The following ABHD3 variants were observed in gnomAD, a reference collection of about 807,000 sequenced individuals.
The protein encoded by ABHD3 is phospholipase ABHD3.
ABHD3 carries 46 observed loss-of-function variants against 48.8 expected under a neutral mutation model. That is an observed-to-expected ratio of 0.94 (90% confidence interval 0.74 to 1.20). ABHD3 has a LOEUF of 1.20. Ranked by LOEUF, ABHD3 falls within the 50% of genes most tolerant of loss-of-function variation. ABHD3 has a pLI of 0.00. For synonymous variants in ABHD3, 192 were observed against 183.7 expected (o/e 1.04, Z -0.36); for missense variants, 490 against 497.8 (o/e 0.98, Z 0.15).
rs776733602 is a variant in ABHD3, at chr18:21,703,719, C to T, written c.191G>A (p.Ser64Asn). The change falls in exon 2 of 9, where the codon AGT becomes AAT. Residue 64 changes from serine to asparagine, a missense_variant. Ser to Asn is a conservative substitution (Grantham distance 46, BLOSUM62 1). Transcript: ENST00000289119. ...KKPQLVTGGE[S>N]FSRFLQDHCP... The stretch of plus-strand genomic sequence containing the variant: ...GTGGTCTTGAAGGAAGCGGCTGAAA[C>T]TCTCACCCCCGGTCACTAACTGGGG... 3.1e-6 allele frequency: 5 copies of T among 1,614,028 alleles called. No homozygotes were observed. In the Admixed American group the frequency reaches 8.3e-5, roughly 27 times the overall value.
At chr18:21,653,663 G>A (rs951423538) in intron 8 of ABHD3, among the ~76,000 whole-genome samples, 1 of 151,010 alleles carries the variant, frequency 6.6e-6, no homozygotes. Flanking sequence ...ACTTTGGGGG[G>A]ATCTCTTGAG....
chr18:21,656,748 G>GT (rs970573906), intron 8 of ABHD3, 113 bp downstream of exon 8: 15 of 1,090,360 alleles, frequency 1.4e-5, no homozygotes, highest in East Asian at 1.3e-4. Context: ...TGAGTATCTA[G>GT]TTTTTTTATC....
chr18:21,674,852 C>T (rs539738036), intron 4 of ABHD3, among the ~76,000 whole-genome samples: 1 of 152,200 alleles, frequency 6.6e-6, no homozygotes, highest in East Asian at 1.9e-4. Flanking sequence ...ACCCCTCCTC[C>T]CTCTGGCTAT....
At position 21,703,665 on chromosome 18, in the gene ABHD3, G is replaced by A. The variant is rs1287907254; in HGVS notation, c.245C>T (p.Pro82Leu). The change falls in exon 2 of 9, where the codon CCG (proline) becomes CTG (leucine). Residue 82 changes from proline to leucine, a missense_variant. Transcript: ENST00000289119. ...TCGACCCTCCCAGCACCAGACCGTC[G>A]GGTAGTACGTTTCTGTAACCACGGG... The part of the protein sequence containing the change: ...HCPVVTETYY[P>L]TVWCWEGRGQ... 5 of 1,613,992 alleles carry A rather than the reference G, an allele frequency of 3.1e-6. No individual in the cohort carries two copies. The highest frequency in any genetic ancestry group is 1.3e-5 in the African/African-American group (1 of 74,914).
intron 4 of ABHD3, among the ~76,000 whole-genome samples, chr18:21,666,842 G>A (rs2039643279): frequency 6.6e-6 from 1 of 151,978 alleles, no homozygotes; most frequent in African/African-American, 2.4e-5. Flanking sequence ...GGGAGGAGGG[G>A]GCAATCCTCT....
At chr18:21,664,086 T>C (rs1393331840) in intron 5 of ABHD3, 32 bp downstream of exon 5, 9 of 1,590,150 alleles carry the variant, frequency 5.7e-6, no homozygotes, top group Non-Finnish European at 7.7e-6. Context: ...AGCTTCCCTC[T>C]CAGAGATTAT....
chr18:21,661,585 C>T (rs1414278579), intron 5 of ABHD3, among the ~76,000 whole-genome samples: 9 of 151,992 alleles, frequency 5.9e-5, no homozygotes, highest in Middle Eastern at 3.4e-3. Flanking sequence ...GAGCTGAGAT[C>T]GCACCACTGC....
rs1395415534 is a variant in ABHD3 at position 21,659,305 on chromosome 18, T to C, written c.707A>G (p.Lys236Arg). 1.2e-6 allele frequency: 2 copies of C among 1,613,086 alleles called. No homozygotes were observed. ...LLNYLGKIGS[K>R]TPLMAAATFS... ...AGTTGCAGCTGCCATCAAAGGCGTTTTGGACCCAATTTTGCCCAAGTAATT... is the reference window on the plus strand; with the variant it reads ...AGTTGCAGCTGCCATCAAAGGCGTTCTGGACCCAATTTTGCCCAAGTAATT... Residue 236 changes from lysine to arginine, a missense_variant, in exon 6 of 9, where the codon AAA (lysine) becomes AGA (arginine). Coordinates refer to ENST00000289119, the MANE Select transcript of ABHD3 (RefSeq NM_138340.5).
chr18:21,678,381 C>G (rs1022136923), intron 4 of ABHD3, among the ~76,000 whole-genome samples: 1 of 152,042 alleles, frequency 6.6e-6, no homozygotes, highest in African/African-American at 2.4e-5. Flanking sequence ...GCTTTTCTTA[C>G]TGGGTTAGGA....
chr18:21,676,680 C>A (rs576359359), intron 4 of ABHD3, among the ~76,000 whole-genome samples: 1 of 152,236 alleles, frequency 6.6e-6, no homozygotes, highest in African/African-American at 2.4e-5. Context: ...CATAAGCCAC[C>A]GCATCCGGCC....
At chr18:21,680,101 C>A (rs2039973417) in intron 4 of ABHD3, among the ~76,000 whole-genome samples, 1 of 152,102 alleles carries the variant, frequency 6.6e-6, no homozygotes, top group Admixed American at 6.6e-5. Flanking sequence ...GCAACCTCCA[C>A]CTCCTGGGTT....
At position 21,689,549 on chromosome 18, in the gene ABHD3, C is replaced by CAA. The variant is rs36011228; in HGVS notation, c.510-5586_510-5585dup. ...GGGCAACAAGGGTGAAATCTGGTCT[C>CAA]AAAAAAAAAAAAAAAAAAAAAAAAA... On this transcript the variant is annotated intron_variant, in intron 3 of 8. Coordinates refer to ENST00000289119, the MANE Select transcript of ABHD3 (RefSeq NM_138340.5). Among the ~76,000 whole-genome samples the CAA allele has an allele frequency of 8.7e-3, 358 of 41,168 alleles. 15 individuals are homozygous for CAA. Among genetic ancestry groups the CAA allele is most frequent in the Non-Finnish European group, 0.01 (257 of 25,578 alleles). The allele number at this position is 41,168 out of a possible 152,430, so 27.0% of individuals were successfully genotyped here.
intron 3 of ABHD3, among the ~76,000 whole-genome samples, chr18:21,690,141 C>G (rs1308820171): frequency 6.6e-6 from 1 of 151,450 alleles, no homozygotes; most frequent in Non-Finnish European, 1.5e-5. Flanking sequence ...AAAAGAAAAT[C>G]TCAGCATAAT....
intron 3 of ABHD3, among the ~76,000 whole-genome samples, chr18:21,684,387 G>A (rs1206226652): frequency 2.9e-5 from 4 of 138,644 alleles, no homozygotes; most frequent in African/African-American, 8.1e-5. Context: ...GTGCGATCTC[G>A]GCTCACTGCA....
intron 3 of ABHD3, among the ~76,000 whole-genome samples, chr18:21,699,134 G>A (rs536524513): frequency 5.2e-4 from 78 of 150,840 alleles, no homozygotes; most frequent in African/African-American, 1.8e-3. Flanking sequence ...GGCTGGTTTC[G>A]AACTCCTAAC....
At chr18:21,653,795 C>T (rs992765277) in intron 8 of ABHD3, among the ~76,000 whole-genome samples, 5 of 147,844 alleles carry the variant, frequency 3.4e-5, no homozygotes, top group African/African-American at 4.9e-5. Flanking sequence ...CTAGCTGAGG[C>T]TGAGGTGGGA....
intron 3 of ABHD3, among the ~76,000 whole-genome samples, chr18:21,698,306 C>T (rs1361504566): frequency 6.6e-6 from 1 of 151,946 alleles, no homozygotes; most frequent in Non-Finnish European, 1.5e-5. Context: ...CTGCCTCAGT[C>T]TCCCAAGTTG....
intron 1 of ABHD3, 143 bp downstream of exon 1, chr18:21,704,361 G>T (rs1411376669): frequency 1.1e-6 from 1 of 918,594 alleles, no homozygotes; most frequent in Non-Finnish European, 1.4e-6. Context: ...GCTTTCCCGC[G>T]CGCGCTGGGG....
intron 3 of ABHD3, among the ~76,000 whole-genome samples, chr18:21,689,422 A>C (rs1314469475): frequency 6.6e-6 from 1 of 151,658 alleles, no homozygotes; most frequent in Non-Finnish European, 1.5e-5. Context: ...GGTGGCAGGC[A>C]CCTGTAATCC....
Sources: gnomAD v4.1 joint callset for allele counts (sites outside exome capture counted in the v4.1 genomes callset) on GRCh38, gnomAD v4.1.1 for gene constraint, MANE v1.5 for transcripts, NCBI Gene and HGNC (gene_info 2026-07-23, HGNC 2026-07-21) for gene names.